MAG: variants seen among roughly 807,000 people sequenced by gnomAD.
The protein encoded by MAG is myelin-associated glycoprotein.
MAG carries 30 observed loss-of-function variants against 60.7 expected under a neutral mutation model. The observed-to-expected ratio is 0.49, with a 90% CI of 0.37 to 0.67. The LOEUF is 0.67. MAG is among the 30% of genes least tolerant of loss of function. The pLI is 0.00. For synonymous variants in MAG, 384 were observed against 376.8 expected, an observed-to-expected ratio of 1.02 and a Z score of -0.22; for missense variants, 795 against 851.7, an observed-to-expected ratio of 0.93 and a Z score of 0.83.
At chr19:35,296,381 T>C (rs1158292886) in intron 4 of MAG, among the ~76,000 whole-genome samples, 1 of 152,094 alleles carries the variant, frequency 6.6e-6, no homozygotes, top group Non-Finnish European at 1.5e-5. Flanking sequence ...AGGCAATGAG[T>C]GAAAAGCCAT....
chr19:35,308,143 C>G (rs1032002343), intron 7 of MAG, among the ~76,000 whole-genome samples: 1 of 152,010 alleles, frequency 6.6e-6, no homozygotes, highest in Non-Finnish European at 1.5e-5. Context: ...GGGAGGAGAA[C>G]TGAGTGAGGC....
In MAG at chr19:35,294,758, T is replaced by TA. The variant is rs201576007; in HGVS notation, c.-24+476dup. On this transcript the variant is annotated intron_variant, in intron 2 of 10. Coordinates refer to ENST00000392213, the MANE Select transcript of MAG (RefSeq NM_002361.4). ...CAGAACATGGCAAGACTCCCATCTC[T>TA]AAAAAAAATAATAATAATAACCAAA... Among the ~76,000 whole-genome samples the TA allele has an allele frequency of 6.0e-3, 919 of 151,916 alleles. 39 individuals carry two copies. The East Asian group carries it at 0.12, about 20-fold the overall frequency.
At position 35,312,454 on chromosome 19, in the gene MAG, G is replaced by A. The variant is rs111888486; in HGVS notation, c.1716+437G>A. 9.0e-3 allele frequency: 7,424 copies of A among 828,892 alleles called. 155 individuals carry two copies. The highest frequency in any genetic ancestry group is 0.057 in the East Asian group (2,299 of 39,996). The allele number at this position is 828,892 out of a possible 1,614,324, so 51.3% of individuals were successfully genotyped here. On this transcript the variant is annotated intron_variant, in intron 10 of 10. Coordinates refer to ENST00000392213, the MANE Select transcript of MAG (RefSeq NM_002361.4). ...GTGATGTCCGGGCCTGCCCGGCAGTGCTGGCCTTGTCTAGTCTGTCCTGTT... is the reference window on the plus strand; with the variant it reads ...GTGATGTCCGGGCCTGCCCGGCAGTACTGGCCTTGTCTAGTCTGTCCTGTT...
intron 4 of MAG, among the ~76,000 whole-genome samples, chr19:35,297,011 A>G (rs2066403106): frequency 6.8e-6 from 1 of 147,150 alleles, no homozygotes; most frequent in African/African-American, 2.5e-5. Flanking sequence ...TCCAAGCAGC[A>G]GCGCCACTCA....
intron 7 of MAG, among the ~76,000 whole-genome samples, chr19:35,304,254 C>T (rs1242128427): frequency 6.6e-6 from 1 of 152,192 alleles, no homozygotes; most frequent in African/African-American, 2.4e-5. Flanking sequence ...TGGTCCCCTG[C>T]TCCCTCCAAC....
At chr19:35,300,087 A>G in intron 5 of MAG, 60 bp from the exon 6 acceptor site, 1 of 1,468,848 alleles carries the variant, frequency 6.8e-7, no homozygotes, top group Non-Finnish European at 9.0e-7. Context: ...GGGCTGGGAG[A>G]GGGCACTGGG....
Position 35,293,774 on chromosome 19 carries a change from C to T in MAG, c.-79-461C>T, listed in dbSNP as rs1225485217. Among the ~76,000 whole-genome samples, 2 of 152,098 alleles carry T rather than the reference C, an allele frequency of 1.3e-5. No individual in the cohort carries two copies. The highest frequency in any genetic ancestry group is 2.4e-5 in the African/African-American group (1 of 41,410). On this transcript the variant is annotated intron_variant, in intron 1 of 10. Transcript: ENST00000392213. This position sits in a 1 kb window ranked among gnomAD's most constrained non-coding sequence, Gnocchi z 4.0. Reference sequence around the variant, plus strand: ...CTAAAACACCCTCTCCCCGAGGGAACAGGACTCTTTTGTACCGGGGACCAG... The same window carrying T: ...CTAAAACACCCTCTCCCCGAGGGAATAGGACTCTTTTGTACCGGGGACCAG...
chr19:35,304,123 T>C (rs1223451669), intron 7 of MAG, among the ~76,000 whole-genome samples: 1 of 152,214 alleles, frequency 6.6e-6, no homozygotes, highest in Non-Finnish European at 1.5e-5. Context: ...TACAGGTTAG[T>C]CCTCGGGGGC....
chr19:35,292,878 G>A (rs1487926440), intron 1 of MAG, among the ~76,000 whole-genome samples: 2 of 152,040 alleles, frequency 1.3e-5, no homozygotes, highest in Non-Finnish European at 2.9e-5. Flanking sequence ...GGGTTTACAG[G>A]CGTGAGCCAC....
intron 6 of MAG, 104 bp from the exon 7 acceptor site, chr19:35,302,344 T>C: frequency 7.2e-7 from 1 of 1,383,496 alleles, no homozygotes; most frequent in Non-Finnish European, 9.9e-7. Context: ...TGAACCGGTG[T>C]GCTAGGTTTG....
chr19:35,295,650 G>A lies in MAG; in HGVS notation c.84G>A (p.Ser28=), dbSNP rs202017359. 1.2e-5 allele frequency: 20 copies of A among 1,610,638 alleles called. No individual in the cohort carries two copies. Among genetic ancestry groups the A allele is most frequent in the East Asian group, 2.2e-5 (1 of 44,874 alleles). The part of the protein sequence containing the change: ...RGGHWGAWMP[S]SISAFEGTCV... ...GTCACTGGGGTGCCTGGATGCCCTC[G>A]TCCATCTCGGCCTTCGAAGGCACGT... The change falls in exon 4 of 11, where the codon TCG becomes TCA. Residue 28 remains serine, a synonymous_variant. Transcript: ENST00000392213. The surrounding 1 kb of genome is among the most constrained non-coding windows in gnomAD (Gnocchi z 5.8).
Position 35,295,835 on chromosome 19 carries a change from G to A in MAG, c.269G>A (p.Arg90His), listed in dbSNP as rs201990546. ...CACGAGAGCTTCCAGGGCCGCAGCC[G>A]CCTCCTGGGGGACCTGGGCCTGCGA... ...VVHESFQGRSRLLGDLGLRNC... is the reference protein window; with the variant it reads ...VVHESFQGRSHLLGDLGLRNC... The change falls in exon 4 of 11, where the codon CGC becomes CAC. Residue 90 changes from arginine (R) to histidine (H), a missense_variant. Arg to His is a conservative substitution (Grantham distance 29). Coordinates refer to ENST00000392213, the MANE Select transcript of MAG (RefSeq NM_002361.4). This position sits in a 1 kb window ranked among gnomAD's most constrained non-coding sequence, Gnocchi z 5.8. 1.4e-5 allele frequency: 23 copies of A among 1,613,810 alleles called. No homozygotes were observed. The highest frequency in any genetic ancestry group is 1.7e-5 in the Non-Finnish European group (20 of 1,180,040).
At chr19:35,307,627 C>T (rs1309670130) in intron 7 of MAG, among the ~76,000 whole-genome samples, 1 of 152,170 alleles carries the variant, frequency 6.6e-6, no homozygotes, top group South Asian at 2.1e-4. Context: ...GCAGAGGTTG[C>T]AGTGAGCAGA....
chr19:35,302,420 T>G, intron 6 of MAG, 28 bp from the exon 7 acceptor site: 1 of 1,610,362 alleles, frequency 6.2e-7, no homozygotes, highest in Non-Finnish European at 8.5e-7. Context: ...TCCTGGGTTC[T>G]GACCATCAGT....
chr19:35,293,598 C>T lies in MAG; in HGVS notation c.-79-637C>T, dbSNP rs944361706. On this transcript the variant is annotated intron_variant, in intron 1 of 10. Transcript: ENST00000392213. The surrounding 1 kb of genome is among the most constrained non-coding windows in gnomAD (Gnocchi z 4.0). ...CTGGGAAAAGCAATTGCTTGGAAAC[C>T]CTGGCTGCAACCCCAAGGCAACCCA... Among the ~76,000 whole-genome samples the T allele has an allele frequency of 6.6e-6, 1 of 152,066 alleles. No homozygotes were observed. Among genetic ancestry groups the T allele is most frequent in the African/African-American group, 2.4e-5 (1 of 41,408 alleles).
chr19:35,295,648 T>G lies in MAG; in HGVS notation c.82T>G (p.Ser28Ala). ...RGGHWGAWMP[S>A]SISAFEGTCV... is the part of the protein sequence containing the mutation. Reference sequence around the variant, plus strand: ...GGGTCACTGGGGTGCCTGGATGCCCTCGTCCATCTCGGCCTTCGAAGGCAC... The same window carrying G: ...GGGTCACTGGGGTGCCTGGATGCCCGCGTCCATCTCGGCCTTCGAAGGCAC... Residue 28 changes from serine (S) to alanine (A), a missense_variant, in exon 4 of 11, where the codon TCG becomes GCG. Ser to Ala is a moderately conservative substitution (Grantham distance 99, BLOSUM62 1). Coordinates refer to ENST00000392213, the MANE Select transcript of MAG (RefSeq NM_002361.4). The surrounding 1 kb of genome is among the most constrained non-coding windows in gnomAD (Gnocchi z 5.8). 1 of 1,610,500 alleles carries G rather than the reference T, an allele frequency of 6.2e-7. No homozygotes were observed. The highest frequency in any genetic ancestry group is 1.7e-4 in the Middle Eastern group (1 of 6,018).
chr19:35,296,295 TG>T (rs2066397772), intron 4 of MAG, among the ~76,000 whole-genome samples: 3 of 152,208 alleles, frequency 2.0e-5, no homozygotes, highest in Non-Finnish European at 2.9e-5. Context: ...TTTAGCGTGG[TG>T]ATCTTGGGCA....
At chr19:35,304,184 C>T (rs534064031) in intron 7 of MAG, among the ~76,000 whole-genome samples, 2 of 152,302 alleles carry the variant, frequency 1.3e-5, no homozygotes, top group South Asian at 2.1e-4. Context: ...AATCTTCAGG[C>T]ACTTTCCCTC....
At chr19:35,301,494 C>T (rs2066448114) in intron 6 of MAG, among the ~76,000 whole-genome samples, 1 of 138,604 alleles carries the variant, frequency 7.2e-6, no homozygotes, top group Non-Finnish European at 1.5e-5. Context: ...GGCAATGGAG[C>T]AATCTTGGCT....
Sources: allele counts gnomAD v4.1 joint callset (sites outside exome capture counted in the v4.1 genomes callset), GRCh38; gene constraint gnomAD v4.1.1; non-coding constraint Gnocchi (gnomAD v3.1); transcripts MANE v1.5; gene names NCBI Gene and HGNC (gene_info 2026-07-23, HGNC 2026-07-21).